RXRA: variants seen among roughly 807,000 people sequenced by gnomAD.
RXRA encodes retinoid X receptor alpha, also known as retinoic acid receptor RXR-alpha.
In RXRA, 5 loss-of-function variants were observed where a neutral mutation model predicts 44.5. That is an observed-to-expected ratio of 0.11 (90% CI 0.06 to 0.24). The LOEUF (loss-of-function observed/expected upper bound fraction) is 0.24. Ranked by LOEUF, RXRA falls within the 10% of genes least tolerant of loss-of-function variation. The pLI is 1.00. For missense variants in RXRA, 412 were observed against 646.5 expected (o/e 0.64, Z 3.93); for synonymous variants, 291 against 271.4 (o/e 1.07, Z -0.71).
Position 134,343,584 on chromosome 9 carries a change from G to A in RXRA, c.28+16925G>A, listed in dbSNP as rs966555048. ...AGGACCTAGAAATTGCTCGGGGCCA[G>A]GAAGCGAGACCAGTCACTGGGTGCA... On this transcript the variant is annotated intron_variant, in intron 1 of 9. Transcript: ENST00000481739. The surrounding 1 kb of genome is among the most constrained non-coding windows in gnomAD (Gnocchi z 4.1). Among the ~76,000 whole-genome samples the A allele has an allele frequency of 6.6e-6, 1 of 152,138 alleles. No individual in the cohort carries two copies. The highest frequency in any genetic ancestry group is 1.5e-5 in the Non-Finnish European group (1 of 68,020).
At chr9:134,408,128 T>A in intron 2 of RXRA, 21 bp from the exon 3 acceptor site, 5 of 1,522,304 alleles carry the variant, frequency 3.3e-6, no homozygotes, top group Non-Finnish European at 4.4e-6. Context: ...CCCCGCTGAC[T>A]GCTGTGGTTG....
At chr9:134,346,690 GCC>G (rs1830157083) in intron 1 of RXRA, among the ~76,000 whole-genome samples, 1 of 152,216 alleles carries the variant, frequency 6.6e-6, no homozygotes, top group Non-Finnish European at 1.5e-5. Flanking sequence ...CAAGGGTGGA[GCC>G]CCCATTTTGG....
rs1459299987 is a variant in RXRA, at chr9:134,436,510, G to A, written c.1285G>A (p.Gly429Arg). 1 of 1,614,124 alleles carries A rather than the reference G, an allele frequency of 6.2e-7. No individual in the cohort carries two copies. The highest frequency in any genetic ancestry group is 1.3e-5 in the African/African-American group (1 of 75,058). ...LLRLPALRSI[G>R]LKCLEHLFFF... ...CCGCCTGCCGGCTCTGCGCTCCATC[G>A]GGCTCAAATGCCTGGAACATCTCTT... is the stretch of plus-strand genomic sequence containing the variant. Residue 429 changes from glycine (G) to arginine (R), a missense_variant, in exon 10 of 10, where the codon GGG (glycine) becomes AGG (arginine). Physicochemically the swap from Gly to Arg is moderately radical, Grantham distance 125. This residue lies in a region of RXRA where 141 missense variants were observed against 270.8 expected (regional missense o/e 0.52). Coordinates refer to ENST00000481739, the MANE Select transcript of RXRA (RefSeq NM_002957.6).
At chr9:134,425,756 T>G in intron 6 of RXRA, 1 of 985,308 alleles carries the variant, frequency 1.0e-6, no homozygotes, top group Non-Finnish European at 1.2e-6. Context: ...CTCTTGTCAC[T>G]GCCGCCCTGG....
chr9:134,345,357 G>A (rs1438818476), intron 1 of RXRA, among the ~76,000 whole-genome samples: 5 of 152,208 alleles, frequency 3.3e-5, no homozygotes, highest in African/African-American at 7.2e-5. Context: ...ATGGGTTTTT[G>A]TGTGCCCTTG....
At chr9:134,330,171 A>G (rs1554746482) in intron 1 of RXRA, among the ~76,000 whole-genome samples, 1 of 152,176 alleles carries the variant, frequency 6.6e-6, no homozygotes, top group Non-Finnish European at 1.5e-5. Flanking sequence ...CCCAGCAGAC[A>G]CAGGGCAGAG....
At chr9:134,378,170 C>G (rs1274144931) in intron 1 of RXRA, among the ~76,000 whole-genome samples, 1 of 152,244 alleles carries the variant, frequency 6.6e-6, no homozygotes, top group African/African-American at 2.4e-5. Flanking sequence ...AGGGCACAGG[C>G]AAGGCACAGA....
chr9:134,398,061 C>T (rs1830905568), intron 1 of RXRA, among the ~76,000 whole-genome samples: 2 of 152,030 alleles, frequency 1.3e-5, no homozygotes, highest in South Asian at 4.1e-4. Context: ...CTTACTGCAA[C>T]CTCCGCCTCC....
intron 6 of RXRA, chr9:134,423,641 GT>G (rs1831384566): frequency 5.1e-6 from 5 of 985,490 alleles, no homozygotes; most frequent in Non-Finnish European, 6.0e-6. Flanking sequence ...CTCGTGTCTG[GT>G]GGGTCCTTGC....
intron 1 of RXRA, among the ~76,000 whole-genome samples, chr9:134,328,256 G>T (rs1207973850): frequency 1.3e-5 from 2 of 152,214 alleles, no homozygotes; most frequent in African/African-American, 4.8e-5. Flanking sequence ...CGTGGCAGGG[G>T]CCTGGCTGGT....
chr9:134,328,725 T>A (rs1370396142), intron 1 of RXRA, among the ~76,000 whole-genome samples: 1 of 152,168 alleles, frequency 6.6e-6, no homozygotes, highest in African/African-American at 2.4e-5. Flanking sequence ...GGGCCTGGCT[T>A]GTCTTGGCCC....
intron 4 of RXRA, among the ~76,000 whole-genome samples, chr9:134,413,154 T>G (rs1316612794): frequency 6.6e-6 from 1 of 152,162 alleles, no homozygotes; most frequent in Non-Finnish European, 1.5e-5. Context: ...AGGTTCCTCA[T>G]CTGTGATGGG....
rs1486061605 is a variant in RXRA at position 134,342,200 on chromosome 9, CCCA to C, written c.28+15543_28+15545del. Reference sequence around the variant, plus strand: ...AGATCAGGCTGGAGAAAGCCCTGGACCCACTGTGGATCCCAGGCCAGAGTGAGG... The same window carrying C: ...AGATCAGGCTGGAGAAAGCCCTGGACCTGTGGATCCCAGGCCAGAGTGAGG... On this transcript the variant is annotated intron_variant, in intron 1 of 9. Coordinates refer to ENST00000481739, the MANE Select transcript of RXRA (RefSeq NM_002957.6). This position sits in a 1 kb window ranked among gnomAD's most constrained non-coding sequence, Gnocchi z 4.4. Among the ~76,000 whole-genome samples the C allele has an allele frequency of 3.9e-5, 6 of 152,072 alleles. No homozygotes were observed. The highest frequency in any genetic ancestry group is 3.9e-4 in the Admixed American group (6 of 15,268).
intron 1 of RXRA, among the ~76,000 whole-genome samples, chr9:134,384,629 G>T (rs1475532162): frequency 1.3e-5 from 2 of 152,186 alleles, no homozygotes. Flanking sequence ...GGCGTGCTGG[G>T]GGGCAGGGGC....
At chr9:134,387,039 T>C (rs975938917) in intron 1 of RXRA, among the ~76,000 whole-genome samples, 6 of 152,224 alleles carry the variant, frequency 3.9e-5, no homozygotes, top group African/African-American at 1.2e-4. Context: ...GCGGCCAGAC[T>C]GCTCAGCCTC....
Position 134,436,539 on chromosome 9 carries a change from C to T in RXRA, c.1314C>T (p.Phe438=). The T allele has an allele frequency of 6.2e-7, 1 of 1,614,226 alleles. No individual in the cohort carries two copies. The highest frequency in any genetic ancestry group is 8.5e-7 in the Non-Finnish European group (1 of 1,180,046). Residue 438 remains phenylalanine (F), a synonymous_variant, in exon 10 of 10, where the codon TTC becomes TTT. Transcript: ENST00000481739. The part of the protein sequence containing the change: ...IGLKCLEHLF[F]FKLIGDTPID... ...TCAAATGCCTGGAACATCTCTTCTT[C>T]TTCAAGCTCATCGGGGACACACCCA... is the stretch of plus-strand genomic sequence containing the variant.
At chr9:134,395,493 C>T (rs751483715) in intron 1 of RXRA, among the ~76,000 whole-genome samples, 11 of 152,304 alleles carry the variant, frequency 7.2e-5, no homozygotes, top group Non-Finnish European at 1.3e-4. Flanking sequence ...AGGGCCACTT[C>T]CTGGGGGTTT....
At position 134,437,095 on chromosome 9, in the gene RXRA, C is replaced by T. The variant is rs539856429; in HGVS notation, c.*481C>T. ...GTGCCCAGCCAGCCCGTGACAGCTTCCCCCTAATCAGGAGGGGACAGCTGG... is the reference window on the plus strand; with the variant it reads ...GTGCCCAGCCAGCCCGTGACAGCTTTCCCCTAATCAGGAGGGGACAGCTGG... On this transcript the variant is annotated 3_prime_UTR_variant, in exon 10 of 10. Coordinates refer to ENST00000481739, the MANE Select transcript of RXRA (RefSeq NM_002957.6). 4 of 166,716 alleles carry T rather than the reference C, an allele frequency of 2.4e-5. No homozygotes were observed. The South Asian group carries it at 5.8e-4, about 24-fold the overall frequency. The allele number at this position is 166,716 out of a possible 1,614,324, so 10.3% of individuals were successfully genotyped here. A position where few individuals can be genotyped will look rare whatever the true frequency, so the allele number is the denominator to read the frequency against.
intron 1 of RXRA, among the ~76,000 whole-genome samples, chr9:134,361,959 T>G (rs1441167253): frequency 6.6e-6 from 1 of 152,178 alleles, no homozygotes; most frequent in Non-Finnish European, 1.5e-5. Flanking sequence ...TGCGCTGGGT[T>G]TCTGATGCCG....
Sources: allele counts gnomAD v4.1 joint callset (sites outside exome capture counted in the v4.1 genomes callset), GRCh38; gene constraint gnomAD v4.1.1; regional missense constraint gnomAD v4.1.1; non-coding constraint Gnocchi (gnomAD v3.1); transcripts MANE v1.5; gene names NCBI Gene and HGNC (gene_info 2026-07-23, HGNC 2026-07-21).